ROBO1: variants seen among roughly 807,000 people sequenced by gnomAD.
ROBO1 encodes the protein roundabout homolog 1.
A neutral mutation model predicts 195.9 loss-of-function variants in ROBO1; 149 were observed. The ratio of observed to expected loss-of-function variants is 0.76; its 90% CI spans 0.67 to 0.87. ROBO1 has a LOEUF of 0.87. Ranked by LOEUF, ROBO1 falls within the 40% of genes least tolerant of loss-of-function variation. The pLI is 0.00. For synonymous variants in ROBO1, 816 were observed against 733.2 expected (o/e 1.11, Z -1.82); for missense variants, 1,933 against 2,068.3 (o/e 0.93, Z 1.27).
chr3:79,040,435 C>CA (rs1285378898), intron 3 of ROBO1, among the ~76,000 whole-genome samples: 1 of 152,076 alleles, frequency 6.6e-6, no homozygotes, highest in East Asian at 1.9e-4. Context: ...AGCTTATAAT[C>CA]TTAAAAACTA....
At chr3:79,135,633 C>T (rs2080391913) in intron 2 of ROBO1, among the ~76,000 whole-genome samples, 1 of 151,494 alleles carries the variant, frequency 6.6e-6, no homozygotes, top group South Asian at 2.1e-4. Flanking sequence ...AGCAATCATT[C>T]AATCTTCTTT....
At chr3:79,323,704 T>C (rs1331673747) in intron 2 of ROBO1, among the ~76,000 whole-genome samples, 1 of 152,210 alleles carries the variant, frequency 6.6e-6, no homozygotes, top group Non-Finnish European at 1.5e-5. Flanking sequence ...CGATATCATA[T>C]ACAAATATAA....
chr3:78,656,482 C>A (rs1190598556), intron 18 of ROBO1, among the ~76,000 whole-genome samples: 1 of 151,490 alleles, frequency 6.6e-6, no homozygotes, highest in African/African-American at 2.4e-5. Context: ...TCCTAAGTAG[C>A]TGGGACTACA....
intron 5 of ROBO1, among the ~76,000 whole-genome samples, chr3:78,720,244 A>G (rs980314016): frequency 3.3e-5 from 5 of 152,208 alleles, no homozygotes; most frequent in Non-Finnish European, 5.9e-5. Flanking sequence ...TGTGGGAGGA[A>G]ATGACTTGTG....
chr3:79,488,309 G>T (rs1385437340), intron 2 of ROBO1, among the ~76,000 whole-genome samples: 1 of 152,042 alleles, frequency 6.6e-6, no homozygotes, highest in East Asian at 1.9e-4. Flanking sequence ...AATGGAGGGG[G>T]AATTTTTTTT....
chr3:79,648,270 A>C (rs1945893251), intron 1 of ROBO1, among the ~76,000 whole-genome samples: 1 of 152,068 alleles, frequency 6.6e-6, no homozygotes, highest in Non-Finnish European at 1.5e-5. Flanking sequence ...GTATGTCTGC[A>C]TTTCAGCCAT....
chr3:79,571,046 T>C (rs372105324), intron 2 of ROBO1, among the ~76,000 whole-genome samples: 19 of 152,238 alleles, frequency 1.2e-4, no homozygotes, highest in African/African-American at 4.6e-4. Flanking sequence ...TAATATCACA[T>C]GTATATTATT....
intron 1 of ROBO1, among the ~76,000 whole-genome samples, chr3:79,728,135 T>TC (rs10601245): frequency 2.8e-4 from 43 of 151,562 alleles, no homozygotes; most frequent in African/African-American, 1.0e-3. Flanking sequence ...TTTAGATATA[T>TC]CCCCCCCCCC....
At chr3:78,956,805 G>C (rs2107805053) in intron 3 of ROBO1, among the ~76,000 whole-genome samples, 1 of 152,246 alleles carries the variant, frequency 6.6e-6, no homozygotes, top group East Asian at 1.9e-4. Context: ...TAAGCAATTG[G>C]CTATACAAGG....
chr3:79,521,833 T>C (rs1941222262), intron 2 of ROBO1, among the ~76,000 whole-genome samples: 1 of 152,144 alleles, frequency 6.6e-6, no homozygotes, highest in African/African-American at 2.4e-5. Flanking sequence ...GGGAAGCACC[T>C]GGATGCTGGT....
intron 1 of ROBO1, among the ~76,000 whole-genome samples, chr3:79,722,426 A>C (rs986510097): frequency 6.6e-6 from 1 of 152,180 alleles, no homozygotes; most frequent in East Asian, 1.9e-4. Flanking sequence ...AAGTTTACTA[A>C]ATACATTTTG....
intron 2 of ROBO1, among the ~76,000 whole-genome samples, chr3:79,259,064 C>T (rs947285524): frequency 1.3e-5 from 2 of 151,856 alleles, no homozygotes; most frequent in Non-Finnish European, 2.9e-5. Context: ...GGACAATTTG[C>T]TCTAAAATTT....
chr3:79,577,715 AAAACACAC>A (rs1560009913), intron 2 of ROBO1, among the ~76,000 whole-genome samples: 1 of 125,008 alleles, frequency 8.0e-6, no homozygotes, highest in African/African-American at 3.6e-5. Context: ...GTCTTTACTA[AAAACACAC>A]ACACACACAC....
intron 2 of ROBO1, among the ~76,000 whole-genome samples, chr3:79,283,108 T>C (rs898399995): frequency 6.6e-6 from 1 of 152,242 alleles, no homozygotes; most frequent in South Asian, 2.1e-4. Flanking sequence ...TTCTAAATAA[T>C]TCTTTGTACC....
chr3:78,597,457 T>C lies in ROBO1; in HGVS notation c.*1456A>G, dbSNP rs1268041535. 1.3e-5 allele frequency: 2 copies of C among 150,648 alleles called. No individual in the cohort carries two copies. Among genetic ancestry groups the C allele is most frequent in the Non-Finnish European group, 1.5e-5 (1 of 67,422 alleles). 9.3% of individuals were successfully genotyped at this position (150,648 alleles called of 1,614,324 possible). A position where few individuals can be genotyped will look rare whatever the true frequency, so the allele number is the denominator to read the frequency against. On this transcript the variant is annotated 3_prime_UTR_variant, in exon 31 of 31. Coordinates refer to ENST00000464233, the MANE Select transcript of ROBO1 (RefSeq NM_002941.4). ...AGTTTGGTTTTGGTGAACACCAGCC[T>C]TTTTTTTTGTGGTTCAGTTTTGTTT... is the stretch of plus-strand genomic sequence containing the variant.
chr3:78,661,346 G>A lies in ROBO1; in HGVS notation c.2089-85C>T, dbSNP rs572397917. 2.7e-4 allele frequency: 229 copies of A among 834,440 alleles called. 2 individuals carry two copies. In the African/African-American group the frequency reaches 3.5e-3, roughly 13 times the overall value. 51.7% of individuals were successfully genotyped at this position (834,440 alleles called of 1,614,324 possible). A position where few individuals can be genotyped will look rare whatever the true frequency, so the allele number is the denominator to read the frequency against. On this transcript the variant is annotated intron_variant, in intron 15 of 30. Coordinates refer to ENST00000464233, the MANE Select transcript of ROBO1 (RefSeq NM_002941.4). ...TAATAAAAATTAAACGTTATAAAAT[G>A]CACAAAATTCTGTCTGGCTTCATCC...
chr3:79,607,608 T>TC (rs559772801), intron 1 of ROBO1, among the ~76,000 whole-genome samples: 5 of 151,460 alleles, frequency 3.3e-5, no homozygotes, highest in African/African-American at 1.2e-4. Flanking sequence ...CCAAGTTTTT[T>TC]TTTTTTCTTA....
chr3:79,605,978 A>T (rs1944468061), intron 1 of ROBO1, among the ~76,000 whole-genome samples: 1 of 135,826 alleles, frequency 7.4e-6, no homozygotes, highest in African/African-American at 3.5e-5. Context: ...GGAAGTTTAC[A>T]TATATGTGTG....
At chr3:79,345,707 G>A (rs889943984) in intron 2 of ROBO1, among the ~76,000 whole-genome samples, 4 of 152,070 alleles carry the variant, frequency 2.6e-5, no homozygotes, top group African/African-American at 9.7e-5. Flanking sequence ...GTGACTGAAT[G>A]CCTACAGAGG....
Sources: allele counts gnomAD v4.1 joint callset (sites outside exome capture counted in the v4.1 genomes callset), GRCh38; gene constraint gnomAD v4.1.1; transcripts MANE v1.5; gene names NCBI Gene and HGNC (gene_info 2026-07-23, HGNC 2026-07-21).